The following STARD13 variants were observed in gnomAD, a reference collection of about 807,000 sequenced individuals.
The protein encoded by STARD13 is StAR related lipid transfer domain containing 13, also known as stAR-related lipid transfer protein 13.
In STARD13, 62 loss-of-function variants were observed where a neutral mutation model predicts 106.4. The observed-to-expected ratio is 0.58, with a 90% CI of 0.48 to 0.72. The LOEUF (loss-of-function observed/expected upper bound fraction) is 0.72, where lower values mean the gene tolerates loss of function less well. STARD13 is among the 30% of genes least tolerant of loss of function. The pLI is 0.00. For synonymous variants in STARD13, 565 were observed against 553.0 expected, an observed-to-expected ratio of 1.02 and a Z score of -0.31; for missense variants, 1,387 against 1,424.0, an observed-to-expected ratio of 0.97 and a Z score of 0.42.
the STARD13 span, among the ~76,000 whole-genome samples, chr13:33,499,591 CTTCTTCTTCTTCT>C: frequency 1.0e-3 from 65 of 63,966 alleles, no homozygotes; most frequent in Admixed American, 1.9e-3. Context: ...TCTTCTTCTT[CTTCTTCTTCTTCT>C]TTCTTCTTCT....
chr13:33,244,218 GGAGA>G (rs1889709736), intron 1 of STARD13, among the ~76,000 whole-genome samples: 1 of 151,950 alleles, frequency 6.6e-6, no homozygotes, highest in South Asian at 2.1e-4. Context: ...AGGTGAAGGA[GGAGA>G]GTTAGTAAGT....
At chr13:33,664,347 C>T in the STARD13 span, among the ~76,000 whole-genome samples, 1 of 152,188 alleles carries the variant, frequency 6.6e-6, no homozygotes, top group African/African-American at 2.4e-5. Context: ...TTTTTGGTGT[C>T]ACAGCTTGAC....
At chr13:33,425,411 T>A in the STARD13 span, among the ~76,000 whole-genome samples, 1 of 147,856 alleles carries the variant, frequency 6.8e-6, no homozygotes, top group Non-Finnish European at 1.5e-5. Context: ...TGCTGCTACA[T>A]TGGTGCCCTG....
At chr13:33,539,806 C>T in the STARD13 span, among the ~76,000 whole-genome samples, 170 of 152,218 alleles carry the variant, frequency 1.1e-3, 2 homozygotes, top group African/African-American at 3.7e-3. Context: ...TATTTGGATA[C>T]GTACAAATCC....
At chr13:33,597,786 A>G in the STARD13 span, among the ~76,000 whole-genome samples, 1 of 151,970 alleles carries the variant, frequency 6.6e-6, no homozygotes, top group South Asian at 2.1e-4. Context: ...TCTGGGAGGC[A>G]GAGGTTGTGG....
intron 1 of STARD13, chr13:33,349,314 C>T (rs2078047824): frequency 1.4e-6 from 1 of 694,042 alleles, no homozygotes; most frequent in Non-Finnish European, 2.6e-6. Context: ...GAAGCATCTT[C>T]CAGCAGCCAA....
At chr13:33,562,401 A>G in the STARD13 span, among the ~76,000 whole-genome samples, 5 of 146,572 alleles carry the variant, frequency 3.4e-5, no homozygotes, top group African/African-American at 1.3e-4. Flanking sequence ...CCCCATGTTC[A>G]ATGTCTATCT....
intron 1 of STARD13, among the ~76,000 whole-genome samples, chr13:33,306,960 CA>C (rs55804905): frequency 0.56 from 81,401 of 145,728 alleles, 22,263 homozygotes; most frequent in Middle Eastern, 0.66. Flanking sequence ...AAAAAAGAAA[CA>C]AAAAAAAAAA....
In STARD13 at chr13:33,285,489, T is replaced by C; in HGVS notation, c.150A>G (p.Leu50=). The change falls in exon 1 of 14, where the codon CTA becomes CTG. Residue 50 remains leucine (L), a synonymous_variant. Coordinates refer to ENST00000336934, the MANE Select transcript of STARD13 (RefSeq NM_178006.4). The stretch of plus-strand genomic sequence containing the variant: ...ACTCACCTTGTTGAATTTTAGTCAC[T>C]AGCTGATGGCGTGCTAGAATCCGGC... ...RMSRILARHQ[L]VTKIQQEIEA... The C allele has an allele frequency of 1.2e-6, 2 of 1,613,812 alleles. No homozygotes were observed. The highest frequency in any genetic ancestry group is 1.7e-6 in the Non-Finnish European group (2 of 1,179,790).
In STARD13 at chr13:33,152,834, C is replaced by T. The variant is rs1023445970; in HGVS notation, c.324-10461G>A. Among the ~76,000 whole-genome samples, 4 of 152,086 alleles carry T rather than the reference C, an allele frequency of 2.6e-5. No individual in the cohort carries two copies. The South Asian group carries it at 6.2e-4, about 24-fold the overall frequency. ...AGTCTGGGAAATGTGCCTGGTCCCG[C>T]GTTAATTCCCGTATTACATGGGGAG... On this transcript the variant is annotated intron_variant, in intron 3 of 13. Transcript: ENST00000336934.
rs764991522 is a variant in STARD13 at position 33,110,012 on chromosome 13, C to T, written c.2908G>A (p.Val970Met). ...TCCCACAGGTGGCGCTCTCTCAGCA[C>T]GCGGTTCAGGACCACTGAGGGGGGT... is the stretch of plus-strand genomic sequence containing the variant. ...EAPPSVVLNR[V>M]LRERHLWDED... The change falls in exon 12 of 14, where the codon GTG becomes ATG. Residue 970 changes from valine to methionine, a missense_variant. Transcript: ENST00000336934. 20 of 1,614,114 alleles carry T rather than the reference C, an allele frequency of 1.2e-5. No individual in the cohort carries two copies. The highest frequency in any genetic ancestry group is 2.2e-5 in the South Asian group (2 of 91,084).
intron 1 of STARD13, among the ~76,000 whole-genome samples, chr13:33,221,652 G>C (rs934607040): frequency 1.3e-5 from 2 of 152,092 alleles, no homozygotes. Context: ...TATAAGACTT[G>C]TGGATCCCAG....
chr13:33,504,755 C>CA, the STARD13 span, among the ~76,000 whole-genome samples: 1 of 151,986 alleles, frequency 6.6e-6, no homozygotes, highest in East Asian at 1.9e-4. Context: ...TAAAGTATAA[C>CA]AAAAAATAAA....
the STARD13 span, among the ~76,000 whole-genome samples, chr13:33,423,604 A>C: frequency 6.6e-6 from 1 of 152,232 alleles, no homozygotes. Flanking sequence ...GTATATACCC[A>C]AAGGATTATA....
the STARD13 span, among the ~76,000 whole-genome samples, chr13:33,600,410 A>G: frequency 6.6e-6 from 1 of 152,218 alleles, no homozygotes; most frequent in Non-Finnish European, 1.5e-5. Flanking sequence ...TGAATAGTTA[A>G]TGGTATTTTG....
chr13:33,108,694 A>G (rs1874108282), intron 12 of STARD13, among the ~76,000 whole-genome samples: 1 of 152,118 alleles, frequency 6.6e-6, no homozygotes, highest in African/African-American at 2.4e-5. Flanking sequence ...TGCCGGATGG[A>G]TGGAAGGAGG....
the STARD13 span, among the ~76,000 whole-genome samples, chr13:33,662,015 C>T: frequency 2.0e-5 from 3 of 152,002 alleles, no homozygotes; most frequent in East Asian, 5.8e-4. Flanking sequence ...GTAATCCCAG[C>T]ACTCTGGGAG....
At chr13:33,221,028 A>G (rs1049775175) in intron 1 of STARD13, among the ~76,000 whole-genome samples, 1 of 152,206 alleles carries the variant, frequency 6.6e-6, no homozygotes, top group African/African-American at 2.4e-5. Flanking sequence ...AAGCCCTGGA[A>G]GAGTATTCAG....
At chr13:33,350,170 C>G in intron 1 of STARD13, 2 of 1,303,786 alleles carry the variant, frequency 1.5e-6, no homozygotes, top group South Asian at 2.0e-5. Context: ...CTCGCCCCGG[C>G]CTTGGGCTCT....
Sources: allele counts gnomAD v4.1 joint callset (sites outside exome capture counted in the v4.1 genomes callset), GRCh38; gene constraint gnomAD v4.1.1; transcripts MANE v1.5; gene names NCBI Gene and HGNC (gene_info 2026-07-23, HGNC 2026-07-21).